The following BRDT variants were observed in gnomAD, a reference collection of about 807,000 sequenced individuals.
BRDT encodes the protein bromodomain testis associated.
A neutral mutation model predicts 113.9 loss-of-function variants in BRDT; 77 were observed. The ratio of observed to expected loss-of-function variants is 0.68; its 90% CI spans 0.56 to 0.82. BRDT has a LOEUF of 0.82. Ranked by LOEUF, BRDT falls within the 40% of genes least tolerant of loss-of-function variation. The pLI, the probability that BRDT is intolerant of heterozygous loss-of-function variation, is 0.00. For synonymous variants in BRDT, 358 were observed against 366.5 expected, an observed-to-expected ratio of 0.98 and a Z score of 0.26; for missense variants, 1,027 against 1,105.4, an observed-to-expected ratio of 0.93 and a Z score of 1.01.
chr1:91,965,373 T>C (rs1682954591), intron 3 of BRDT, among the ~76,000 whole-genome samples: 1 of 152,202 alleles, frequency 6.6e-6, no homozygotes, highest in South Asian at 2.1e-4. Flanking sequence ...TGAGAGCTGG[T>C]TTCTGTGAAT....
intron 3 of BRDT, 90 bp from the exon 4 acceptor site, chr1:91,968,056 T>G (rs1683247653): frequency 7.5e-7 from 1 of 1,333,308 alleles, no homozygotes; most frequent in African/African-American, 1.5e-5. Flanking sequence ...AGTACTATGT[T>G]ACTGCCTTCC....
At chr1:91,953,306 G>A (rs1372859016) in intron 1 of BRDT, among the ~76,000 whole-genome samples, 1 of 152,182 alleles carries the variant, frequency 6.6e-6, no homozygotes, top group Non-Finnish European at 1.5e-5. Context: ...TCTATGCTGT[G>A]CTGTTTCCTG....
intron 13 of BRDT, among the ~76,000 whole-genome samples, chr1:91,991,852 C>G (rs1685785751): frequency 6.6e-6 from 1 of 151,402 alleles, no homozygotes; most frequent in African/African-American, 2.4e-5. Flanking sequence ...ATTAGCCGGG[C>G]ATGGCGCCAT....
At chr1:91,959,713 C>G (rs954327687) in intron 1 of BRDT, among the ~76,000 whole-genome samples, 1 of 152,064 alleles carries the variant, frequency 6.6e-6, no homozygotes, top group Non-Finnish European at 1.5e-5. Context: ...GAACTCCTGC[C>G]CTCAAGCCAT....
chr1:91,962,992 T>TG (rs1682653200), intron 2 of BRDT, 46 bp downstream of exon 2: 6 of 1,388,262 alleles, frequency 4.3e-6, no homozygotes, highest in Non-Finnish European at 5.8e-6. Flanking sequence ...AGAAAACTCC[T>TG]GTAAATTTCT....
intron 2 of BRDT, 63 bp downstream of exon 2, chr1:91,963,009 C>CATA (rs1339234363): frequency 1.6e-5 from 20 of 1,282,874 alleles, no homozygotes; most frequent in Non-Finnish European, 2.0e-5. Flanking sequence ...TTCTGTAAGA[C>CATA]ATAACTAGTC....
At chr1:91,994,867 C>CAAAAAAAAA (rs11330809) in intron 15 of BRDT, among the ~76,000 whole-genome samples, 3 of 65,498 alleles carry the variant, frequency 4.6e-5, no homozygotes, top group East Asian at 1.2e-3. Context: ...GACTCCGTCT[C>CAAAAAAAAA]AAAAAAAAAA....
intron 12 of BRDT, among the ~76,000 whole-genome samples, chr1:91,984,545 A>T (rs1006018941): frequency 6.6e-6 from 1 of 152,240 alleles, no homozygotes; most frequent in Admixed American, 6.5e-5. Context: ...TATGAAAATT[A>T]GGCACATCAG....
chr1:91,952,520 G>A (rs1681209253), intron 1 of BRDT, among the ~76,000 whole-genome samples: 1 of 149,736 alleles, frequency 6.7e-6, no homozygotes, highest in African/African-American at 2.5e-5. Flanking sequence ...AGAAAAGATT[G>A]AGGCCATAAG....
At chr1:91,986,554 T>A (rs1168602521) in intron 12 of BRDT, among the ~76,000 whole-genome samples, 1 of 152,248 alleles carries the variant, frequency 6.6e-6, no homozygotes, top group Non-Finnish European at 1.5e-5. Context: ...AGTGAATTTG[T>A]CACTTCATCC....
chr1:91,986,258 C>T (rs368341418), intron 12 of BRDT, among the ~76,000 whole-genome samples: 1 of 151,980 alleles, frequency 6.6e-6, no homozygotes, highest in Non-Finnish European at 1.5e-5. Context: ...CTTGGGGTTA[C>T]CTTGAGTGAT....
Position 91,978,315 on chromosome 1 carries a change from T to C in BRDT, c.1098+19T>C, listed in dbSNP as rs781237576. ...GCTTCAGGTGAGCTGTTACTTGTGC[T>C]CTGAAGGTGTTTTTCCTCTGAACAT... is the stretch of plus-strand genomic sequence containing the variant. On this transcript the variant is annotated intron_variant, in intron 7 of 18. Transcript: ENST00000399546. 2.5e-6 allele frequency: 4 copies of C among 1,611,608 alleles called. No homozygotes were observed. Among genetic ancestry groups the C allele is most frequent in the African/African-American group, 1.3e-5 (1 of 74,926 alleles).
In BRDT at chr1:91,981,414, G is replaced by T. The variant is rs753776483; in HGVS notation, c.1864+33G>T. 8.4e-6 allele frequency: 13 copies of T among 1,549,592 alleles called. No homozygotes were observed. The African/African-American group carries it at 1.8e-4, about 21-fold the overall frequency. ...GCAGTTTTTGTTTGTTTGTATGTAT[G>T]TATGTATGTATGTAGAGACAGGGTC... On this transcript the variant is annotated intron_variant, in intron 11 of 18. Coordinates refer to ENST00000399546, the MANE Select transcript of BRDT (RefSeq NM_207189.4).
chr1:91,958,829 C>T (rs555751383), intron 1 of BRDT, among the ~76,000 whole-genome samples: 1 of 152,000 alleles, frequency 6.6e-6, no homozygotes, highest in Non-Finnish European at 1.5e-5. Flanking sequence ...CCAAGGAGGG[C>T]AGATTGCTTG....
intron 3 of BRDT, among the ~76,000 whole-genome samples, chr1:91,967,056 G>A (rs1683136054): frequency 6.6e-6 from 1 of 152,100 alleles, no homozygotes; most frequent in Admixed American, 6.6e-5. Context: ...GAGACAGAGT[G>A]AGACTTCGTC....
chr1:91,955,271 A>G (rs1418905423), intron 1 of BRDT, among the ~76,000 whole-genome samples: 1 of 151,990 alleles, frequency 6.6e-6, no homozygotes, highest in African/African-American at 2.4e-5. Flanking sequence ...CCTGGCCAAC[A>G]TGAAATCCCA....
In BRDT at chr1:92,005,252, C is replaced by T. The variant is rs116464849; in HGVS notation, c.2728C>T (p.Arg910Cys). 1.5e-4 allele frequency: 235 copies of T among 1,581,798 alleles called. No individual in the cohort carries two copies. Among genetic ancestry groups the T allele is most frequent in the Admixed American group, 3.8e-4 (20 of 53,294 alleles). Residue 910 changes from arginine to cysteine, a missense_variant, in exon 18 of 19, where the codon CGT becomes TGT. Transcript: ENST00000399546. ...DKSKLWLLKD[R>C]DLARQKEQER... ...ATCCAAACTCTGGCTTCTCAAAGAC[C>T]GTGATTTAGCAAGGCAGAAAGAACA...
intron 8 of BRDT, 100 bp from the exon 9 acceptor site, chr1:91,980,543 T>G: frequency 4.8e-6 from 5 of 1,044,898 alleles, no homozygotes; most frequent in Non-Finnish European, 5.2e-6. Flanking sequence ...GAAATGAATT[T>G]CACAAAAGAC....
At chr1:91,960,543 G>C (rs1682334341) in intron 1 of BRDT, among the ~76,000 whole-genome samples, 4 of 152,214 alleles carry the variant, frequency 2.6e-5, no homozygotes, top group Admixed American at 6.5e-5. Context: ...AGCAGGGACA[G>C]AAGAATGAGG....
Sources: allele counts gnomAD v4.1 joint callset (sites outside exome capture counted in the v4.1 genomes callset), GRCh38; gene constraint gnomAD v4.1.1; transcripts MANE v1.5; gene names NCBI Gene and HGNC (gene_info 2026-07-23, HGNC 2026-07-21).